Variants in SLC35D1 observed in about 807,000 individuals in gnomAD.
SLC35D1 encodes the protein solute carrier family 35 member D1.
In SLC35D1, 31 loss-of-function variants were observed where a neutral mutation model predicts 46.7. That is an observed-to-expected ratio of 0.66 (90% CI 0.50 to 0.90). SLC35D1 has a LOEUF of 0.90. Ranked by LOEUF, SLC35D1 falls within the 40% of genes least tolerant of loss-of-function variation. The pLI is 0.00. For missense variants in SLC35D1, 397 were observed against 426.2 expected (o/e 0.93, Z 0.60); for synonymous variants, 195 against 164.6 (o/e 1.18, Z -1.41).
chr1:66,982,554 TTTC>T, the SLC35D1 span, among the ~76,000 whole-genome samples: 2 of 152,100 alleles, frequency 1.3e-5, no homozygotes, highest in African/African-American at 4.8e-5. Flanking sequence ...ATTATTTTGA[TTTC>T]TTCTTTGATT....
At chr1:66,993,816 G>T in the SLC35D1 span, among the ~76,000 whole-genome samples, 4 of 152,112 alleles carry the variant, frequency 2.6e-5, no homozygotes, top group African/African-American at 9.7e-5. Context: ...CTCAATAAAT[G>T]TATTTTTACT....
At chr1:67,046,185 C>A (rs1392050350) in intron 7 of SLC35D1, among the ~76,000 whole-genome samples, 2 of 152,060 alleles carry the variant, frequency 1.3e-5, no homozygotes, top group Non-Finnish European at 2.9e-5. Flanking sequence ...AAACTATCTG[C>A]AAAATAATGA....
rs748227710 is a variant in SLC35D1 at position 67,052,942 on chromosome 1, G to A, written c.237+14C>T. ...AACAACATAAACCACGTAATGGTGA[G>A]GATTCCAACTAACCTGGCCAAGTCC... On this transcript the variant is annotated intron_variant, in intron 2 of 11. Coordinates refer to ENST00000235345, the MANE Select transcript of SLC35D1 (RefSeq NM_015139.3). 4 of 1,614,094 alleles carry A rather than the reference G, an allele frequency of 2.5e-6. No homozygotes were observed. Among genetic ancestry groups the A allele is most frequent in the East Asian group, 4.5e-5 (2 of 44,878 alleles).
the SLC35D1 span, among the ~76,000 whole-genome samples, chr1:66,978,553 T>C: frequency 6.6e-6 from 1 of 152,232 alleles, no homozygotes; most frequent in Non-Finnish European, 1.5e-5. Flanking sequence ...CATAATAATA[T>C]AGAATTAGAT....
At chr1:66,982,416 T>C in the SLC35D1 span, among the ~76,000 whole-genome samples, 5 of 152,166 alleles carry the variant, frequency 3.3e-5, no homozygotes, top group African/African-American at 9.7e-5. Context: ...TACAGAAATA[T>C]TTGTTTTTCT....
chr1:67,011,093 CAT>C (rs1017575325), intron 10 of SLC35D1, among the ~76,000 whole-genome samples: 3 of 152,184 alleles, frequency 2.0e-5, no homozygotes, highest in African/African-American at 7.2e-5. Flanking sequence ...CTCTCCCTCC[CAT>C]AACCTATTTT....
intron 8 of SLC35D1, among the ~76,000 whole-genome samples, chr1:67,034,482 C>T (rs1010304654): frequency 6.6e-6 from 1 of 151,816 alleles, no homozygotes; most frequent in Admixed American, 6.6e-5. Flanking sequence ...TCTTGATTTC[C>T]TTTTCAAATC....
intron 11 of SLC35D1, among the ~76,000 whole-genome samples, chr1:67,005,865 G>A (rs779145338): frequency 2.2e-4 from 33 of 152,110 alleles, no homozygotes; most frequent in Non-Finnish European, 1.5e-4. Context: ...AATTTCCCAC[G>A]GCCTTAATTC....
At chr1:67,032,091 T>C in intron 8 of SLC35D1, 1 of 985,398 alleles carries the variant, frequency 1.0e-6, no homozygotes, top group African/African-American at 1.7e-5. Flanking sequence ...TCTTCGGTCT[T>C]GGCTGACTGG....
chr1:66,991,960 C>A, the SLC35D1 span, among the ~76,000 whole-genome samples: 2 of 152,080 alleles, frequency 1.3e-5, no homozygotes, highest in African/African-American at 4.8e-5. Context: ...GCCAGTAGGT[C>A]TGTTGAGATT....
At chr1:66,994,943 A>G (rs1667222797), downstream of SLC35D1, among the ~76,000 whole-genome samples, 1 of 151,642 alleles carries the variant, frequency 6.6e-6, no homozygotes, top group Non-Finnish European at 1.5e-5. Flanking sequence ...AAAAGAAGAA[A>G]CAACTTTAAA....
chr1:67,046,948 C>T (rs1009734431), intron 7 of SLC35D1, among the ~76,000 whole-genome samples: 2 of 152,108 alleles, frequency 1.3e-5, no homozygotes, highest in South Asian at 2.1e-4. Flanking sequence ...TTTCTGCCTC[C>T]CAGGTCCCTC....
At chr1:67,039,653 T>C (rs1016783320) in intron 8 of SLC35D1, among the ~76,000 whole-genome samples, 3 of 152,128 alleles carry the variant, frequency 2.0e-5, no homozygotes, top group African/African-American at 4.8e-5. Flanking sequence ...ACATAGAAAG[T>C]TTCCATTCAA....
the SLC35D1 span, chr1:66,986,710 A>C: frequency 5.3e-6 from 2 of 377,308 alleles, no homozygotes; most frequent in Non-Finnish European, 9.5e-6. Context: ...ATATCTAAGT[A>C]AATCAAAGTT....
intron 8 of SLC35D1, among the ~76,000 whole-genome samples, chr1:67,023,401 C>T (rs1455178335): frequency 6.6e-6 from 1 of 152,022 alleles, no homozygotes; most frequent in Non-Finnish European, 1.5e-5. Flanking sequence ...TTTGCATTTC[C>T]CTAAAGACTA....
At chr1:66,973,867 G>T in the SLC35D1 span, among the ~76,000 whole-genome samples, 1 of 152,070 alleles carries the variant, frequency 6.6e-6, no homozygotes, top group Non-Finnish European at 1.5e-5. Context: ...TCTAAGTTTT[G>T]TGTCGTAGCT....
chr1:67,042,115 T>C (rs566243624), intron 8 of SLC35D1, 121 bp downstream of exon 8: 64 of 922,442 alleles, frequency 6.9e-5, no homozygotes, highest in Admixed American at 8.9e-5. Flanking sequence ...AAAGAGTAAA[T>C]GCTCAGTTTT....
At position 67,052,022 on chromosome 1, in the gene SLC35D1, T is replaced by C; in HGVS notation, c.382A>G (p.Lys128Glu). 6.2e-7 allele frequency: 1 copy of C among 1,606,762 alleles called. No individual in the cohort carries two copies. Among genetic ancestry groups the C allele is most frequent in the Non-Finnish European group, 8.5e-7 (1 of 1,173,418 alleles). ...GNQITGLFSTKKLNLPMFTVL... is the reference protein window; with the variant it reads ...GNQITGLFSTEKLNLPMFTVL... The stretch of plus-strand genomic sequence containing the variant: ...TAAAGTTATCCATACTTCAGTTTCT[T>C]TGTGCTGAACAGTCCCGTGATTTGG... Residue 128 changes from lysine (K) to glutamate (E), a missense_variant, in exon 4 of 12, where the codon AAG (lysine) becomes GAG (glutamate). Transcript: ENST00000235345.
chr1:67,026,420 C>T (rs1342571146), intron 8 of SLC35D1, among the ~76,000 whole-genome samples: 1 of 152,092 alleles, frequency 6.6e-6, no homozygotes, highest in African/African-American at 2.4e-5. Context: ...TACTTTCTCC[C>T]CCCTTGTAAT....
Sources: allele counts gnomAD v4.1 joint callset (sites outside exome capture counted in the v4.1 genomes callset), GRCh38; gene constraint gnomAD v4.1.1; transcripts MANE v1.5; gene names NCBI Gene and HGNC (gene_info 2026-07-23, HGNC 2026-07-21).